INPP4B: variants seen among roughly 807,000 people sequenced by gnomAD.
INPP4B encodes inositol polyphosphate-4-phosphatase type II B, also known as inositol polyphosphate 4-phosphatase type II.
A neutral mutation model predicts 122.5 loss-of-function variants in INPP4B; 55 were observed. The observed-to-expected ratio is 0.45, with a 90% confidence interval of 0.36 to 0.56. The LOEUF (loss-of-function observed/expected upper bound fraction) is 0.56, where lower values mean the gene tolerates loss of function less well. Among genes scored for constraint, INPP4B ranks in the 20% least tolerant of loss-of-function variants. The pLI, the probability that INPP4B is intolerant of heterozygous loss-of-function variation, is 0.00. For missense variants in INPP4B, 1,000 were observed against 1,097.7 expected (o/e 0.91, Z 1.26); for synonymous variants, 403 against 388.7 (o/e 1.04, Z -0.43).
chr4:142,447,570 A>G (rs1026693114), intron 3 of INPP4B, among the ~76,000 whole-genome samples: 5 of 152,194 alleles, frequency 3.3e-5, no homozygotes, highest in Non-Finnish European at 2.9e-5. Flanking sequence ...CAAAGAAACT[A>G]TGCATCAATG....
chr4:142,149,695 A>G lies in INPP4B; in HGVS notation c.1564-3699T>C, dbSNP rs1171273368. 2.0e-5 allele frequency among the ~76,000 whole-genome samples: 3 copies of G among 152,366 alleles called. No homozygotes were observed. In the East Asian group the frequency reaches 5.8e-4, roughly 29 times the overall value. On this transcript the variant is annotated intron_variant, in intron 17 of 25. Transcript: ENST00000262992. Reference sequence around the variant, plus strand: ...GGATCCTAGGATAAGAGATAAGTCTACAAAATGAACTGGCTGGTCCCGTCC... The same window carrying G: ...GGATCCTAGGATAAGAGATAAGTCTGCAAAATGAACTGGCTGGTCCCGTCC...
rs550905372 is a variant in INPP4B at position 142,595,989 on chromosome 4, C to T, written c.-191+129850G>A. Among the ~76,000 whole-genome samples the T allele has an allele frequency of 1.2e-4, 19 of 152,170 alleles. No homozygotes were observed. The South Asian group carries it at 4.0e-3, about 32-fold the overall frequency. ...TCAGCCTCCTGAGTAGCTGGGATTA[C>T]AGCCACACACCACCATGCCCAGCTA... On this transcript the variant is annotated intron_variant, in intron 2 of 25. Transcript: ENST00000262992.
intron 2 of INPP4B, among the ~76,000 whole-genome samples, chr4:142,584,633 C>A (rs555454280): frequency 3.1e-4 from 47 of 151,856 alleles, no homozygotes; most frequent in Admixed American, 1.8e-3. Flanking sequence ...GTCAAAGGTA[C>A]ATATTATCTA....
intron 11 of INPP4B, among the ~76,000 whole-genome samples, chr4:142,241,590 G>A (rs1044653247): frequency 2.0e-5 from 3 of 152,142 alleles, no homozygotes; most frequent in African/African-American, 7.2e-5. Context: ...CCAAACTGCT[G>A]CAGTTCTAAA....
chr4:142,370,661 A>G (rs570282038), intron 7 of INPP4B, among the ~76,000 whole-genome samples: 2 of 152,214 alleles, frequency 1.3e-5, no homozygotes, highest in East Asian at 3.9e-4. Context: ...TAACTGAAAA[A>G]GAAATCAAGA....
At chr4:142,364,935 G>A (rs1030167990) in intron 7 of INPP4B, among the ~76,000 whole-genome samples, 6 of 152,000 alleles carry the variant, frequency 3.9e-5, no homozygotes, top group East Asian at 1.9e-4. Context: ...TCCCCACCTC[G>A]CCACACAAGA....
At chr4:142,479,655 A>G (rs1820257618) in intron 2 of INPP4B, among the ~76,000 whole-genome samples, 1 of 152,116 alleles carries the variant, frequency 6.6e-6, no homozygotes, top group Non-Finnish European at 1.5e-5. Context: ...ATCATGTCCT[A>G]AGCAGCAAAT....
At chr4:142,153,761 T>A (rs997935516) in intron 17 of INPP4B, among the ~76,000 whole-genome samples, 6 of 152,168 alleles carry the variant, frequency 3.9e-5, no homozygotes, top group African/African-American at 1.2e-4. Context: ...TGAGCTAGGA[T>A]GTATAAGATG....
chr4:142,673,627 T>C (rs1229817723), intron 2 of INPP4B, among the ~76,000 whole-genome samples: 1 of 152,112 alleles, frequency 6.6e-6, no homozygotes, highest in African/African-American at 2.4e-5. Context: ...CTGTTAGGGA[T>C]TTGGGTCAGT....
chr4:142,600,983 C>T (rs1739767510), intron 2 of INPP4B, among the ~76,000 whole-genome samples: 1 of 151,828 alleles, frequency 6.6e-6, no homozygotes, highest in African/African-American at 2.4e-5. Context: ...ATCAATCTAC[C>T]AAGACAATAC....
chr4:142,605,636 C>CA (rs368705491), intron 2 of INPP4B, among the ~76,000 whole-genome samples: 2,843 of 147,914 alleles, frequency 0.019, 69 homozygotes, highest in African/African-American at 0.054. Context: ...GCACATTTTT[C>CA]AAAAAAAAAG....
chr4:142,555,918 A>G (rs1315615273), intron 2 of INPP4B, among the ~76,000 whole-genome samples: 1 of 152,008 alleles, frequency 6.6e-6, no homozygotes, highest in East Asian at 1.9e-4. Flanking sequence ...TCTGTCTACT[A>G]GCAGAAAGTG....
intron 2 of INPP4B, among the ~76,000 whole-genome samples, chr4:142,702,869 C>A (rs550342080): frequency 6.6e-6 from 1 of 151,824 alleles, no homozygotes; most frequent in South Asian, 2.1e-4. Flanking sequence ...TTGCTGCTGA[C>A]TACATCTGAA....
intron 1 of INPP4B, among the ~76,000 whole-genome samples, chr4:142,793,208 G>T (rs146711792): frequency 1.3e-5 from 2 of 152,086 alleles, no homozygotes; most frequent in Non-Finnish European, 2.9e-5. Flanking sequence ...GTGGAACTTC[G>T]TGAAGAAGAT....
At chr4:142,427,539 C>T in intron 5 of INPP4B, 1 of 608,454 alleles carries the variant, frequency 1.6e-6, no homozygotes. Flanking sequence ...AAACAAACAG[C>T]ATAGTTAGGT....
chr4:142,649,777 G>C (rs1752550333), intron 2 of INPP4B, among the ~76,000 whole-genome samples: 3 of 152,200 alleles, frequency 2.0e-5, no homozygotes, highest in South Asian at 4.1e-4. Context: ...ATGGATCCAA[G>C]TTGAAAAACG....
At chr4:142,255,332 A>G (rs1032897819) in intron 11 of INPP4B, among the ~76,000 whole-genome samples, 2 of 152,160 alleles carry the variant, frequency 1.3e-5, no homozygotes, top group African/African-American at 4.8e-5. Context: ...TCATAATGAC[A>G]GGATCAAATT....
rs2152545696 is a variant in INPP4B, at chr4:142,086,168, T to C, written c.2463A>G (p.Val821=). The change falls in exon 24 of 26, where the codon GTA becomes GTG. Residue 821 remains valine, a synonymous_variant. Coordinates refer to ENST00000262992, the MANE Select transcript of INPP4B (RefSeq NM_001101669.3). Reference sequence around the variant, plus strand: ...CCGTTGCAGCCAGCCACATAATTTCTACATTCTTTCTTTTTTTGGATTGGA... The same window carrying C: ...CCGTTGCAGCCAGCCACATAATTTCCACATTCTTTCTTTTTTTGGATTGGA... The part of the protein sequence containing the change: ...QNIQSKKRKN[V]EIMWLAATIC... 1 of 1,596,220 alleles carries C rather than the reference T, an allele frequency of 6.3e-7. No homozygotes were observed. The highest frequency in any genetic ancestry group is 1.7e-5 in the Admixed American group (1 of 59,964).
chr4:142,036,486 G>A (rs1014514554), intron 25 of INPP4B, among the ~76,000 whole-genome samples: 2 of 152,068 alleles, frequency 1.3e-5, no homozygotes, highest in African/African-American at 2.4e-5. Flanking sequence ...GAGGAGTAGA[G>A]CATTCAAAAG....
Sources: gnomAD v4.1 joint callset for allele counts (sites outside exome capture counted in the v4.1 genomes callset) on GRCh38, gnomAD v4.1.1 for gene constraint, MANE v1.5 for transcripts, NCBI Gene and HGNC (gene_info 2026-07-23, HGNC 2026-07-21) for gene names.